SLC47A1: variants seen among roughly 807,000 people sequenced by gnomAD.
SLC47A1 encodes solute carrier family 47 member 1, also known as multidrug and toxin extrusion protein 1.
In SLC47A1, 58 loss-of-function variants were observed where a neutral mutation model predicts 65.8. The observed-to-expected ratio is 0.88, with a 90% CI of 0.71 to 1.10. The LOEUF is 1.10. Among genes scored for constraint, SLC47A1 ranks in the 50% least tolerant of loss-of-function variants. The pLI is 0.00. For missense variants in SLC47A1, 706 were observed against 719.2 expected (o/e 0.98, Z 0.21); for synonymous variants, 285 against 295.0 (o/e 0.97, Z 0.35).
At chr17:19,553,644 C>T (rs1002700122) in intron 6 of SLC47A1, among the ~76,000 whole-genome samples, 2 of 150,972 alleles carry the variant, frequency 1.3e-5, no homozygotes, top group Non-Finnish European at 2.9e-5. Context: ...GAGGTTCAAG[C>T]GATTCTCCTG....
chr17:19,571,491 G>T lies in SLC47A1; in HGVS notation c.1323G>T (p.Gly441=). ...TTLGVMGLWS[G]IIICTVFQAV... is the part of the protein sequence containing the mutation. ...TTCTATTTCTAGGTCTGTGGTCAGG[G>T]ATCATCATCTGTACAGTCTTTCAAG... The change falls in exon 15 of 17, where the codon GGG becomes GGT. Residue 441 remains glycine (G), a synonymous_variant. Transcript: ENST00000270570. The T allele has an allele frequency of 1.9e-6, 3 of 1,613,442 alleles. No individual in the cohort carries two copies. Among genetic ancestry groups the T allele is most frequent in the Non-Finnish European group, 2.5e-6 (3 of 1,179,766 alleles).
chr17:19,573,140 T>A (rs1401557142), intron 16 of SLC47A1, among the ~76,000 whole-genome samples: 1 of 152,232 alleles, frequency 6.6e-6, no homozygotes, highest in Non-Finnish European at 1.5e-5. Flanking sequence ...AATACTGTGC[T>A]TCTACCATAG....
In SLC47A1 at chr17:19,578,864, C is replaced by T. The variant is rs117651256; in HGVS notation, c.*1311C>T. On this transcript the variant is annotated 3_prime_UTR_variant, in exon 17 of 17. Transcript: ENST00000270570. Reference sequence around the variant, plus strand: ...GCTCACCAGTTGTAGCTTGCCAGCTCCCAACACCCTTCCTGGTGCCAATAA... The same window carrying T: ...GCTCACCAGTTGTAGCTTGCCAGCTTCCAACACCCTTCCTGGTGCCAATAA... 1 of 152,196 alleles carries T rather than the reference C, an allele frequency of 6.6e-6. No individual in the cohort carries two copies. The highest frequency in any genetic ancestry group is 2.4e-5 in the African/African-American group (1 of 41,416). 9.4% of individuals were successfully genotyped at this position (152,196 alleles called of 1,614,324 possible). A position where few individuals can be genotyped will look rare whatever the true frequency, so the allele number is the denominator to read the frequency against.
Position 19,556,020 on chromosome 17 carries a change from C to T in SLC47A1, c.879C>T (p.Gly293=), listed in dbSNP as rs765831369. Residue 293 remains glycine, a synonymous_variant, in exon 10 of 17, where the codon GGC becomes GGT. Coordinates refer to ENST00000270570, the MANE Select transcript of SLC47A1 (RefSeq NM_018242.3). The part of the protein sequence containing the change: ...LSGILGMVEL[G]AQSIVYELAI... ...GCATCCTCGGCATGGTGGAGCTGGG[C>T]GCTCAGTCCATCGTGTATGAACTGG... 31 of 1,614,024 alleles carry T rather than the reference C, an allele frequency of 1.9e-5. No homozygotes were observed. Among genetic ancestry groups the T allele is most frequent in the African/African-American group, 8.0e-5 (6 of 74,906 alleles).
chr17:19,575,078 TCCC>T (rs370016444), intron 16 of SLC47A1, among the ~76,000 whole-genome samples: 1,406 of 118,954 alleles, frequency 0.012, 31 homozygotes, highest in African/African-American at 0.04. Flanking sequence ...CCTCCCTCCC[TCCC>T]TTTTTCTCTC....
intron 2 of SLC47A1, among the ~76,000 whole-genome samples, chr17:19,545,080 G>T (rs1916250732): frequency 1.3e-5 from 2 of 152,222 alleles, no homozygotes; most frequent in South Asian, 4.1e-4. Flanking sequence ...GCAGCATGAA[G>T]TCATGGGACA....
chr17:19,550,186 G>C (rs541005571), intron 5 of SLC47A1, among the ~76,000 whole-genome samples: 21 of 152,272 alleles, frequency 1.4e-4, no homozygotes, highest in Non-Finnish European at 2.8e-4. Flanking sequence ...CAGTGGGATC[G>C]TCATAGCTCA....
At chr17:19,560,527 T>C in intron 12 of SLC47A1, 34 bp downstream of exon 12, 1 of 1,603,686 alleles carries the variant, frequency 6.2e-7, no homozygotes, top group South Asian at 1.1e-5. Flanking sequence ...ATGTGAAATC[T>C]GTGATAAAGA....
chr17:19,571,783 T>A (rs1362299180), intron 15 of SLC47A1, among the ~76,000 whole-genome samples: 1 of 152,196 alleles, frequency 6.6e-6, no homozygotes, highest in Non-Finnish European at 1.5e-5. Context: ...AACAGGGGAC[T>A]CCTTTCTTCC....
chr17:19,562,714 G>T (rs2084322832), intron 12 of SLC47A1, among the ~76,000 whole-genome samples: 1 of 152,106 alleles, frequency 6.6e-6, no homozygotes, highest in Admixed American at 6.6e-5. Flanking sequence ...AGTAGAAGCT[G>T]GACTCTGAAT....
intron 3 of SLC47A1, among the ~76,000 whole-genome samples, chr17:19,547,351 T>G (rs1383500684): frequency 6.7e-6 from 1 of 149,560 alleles, no homozygotes; most frequent in Non-Finnish European, 1.5e-5. Context: ...GCCTGGCTTT[T>G]TTTTTTTTTT....
chr17:19,566,212 A>G (rs1032140197), intron 12 of SLC47A1, among the ~76,000 whole-genome samples: 1 of 152,212 alleles, frequency 6.6e-6, no homozygotes, highest in African/African-American at 2.4e-5. Flanking sequence ...GGAAAACACA[A>G]TGTATTTAGG....
At chr17:19,563,682 C>T (rs1404398911) in intron 12 of SLC47A1, among the ~76,000 whole-genome samples, 32 of 152,018 alleles carry the variant, frequency 2.1e-4, no homozygotes, top group Admixed American at 2.1e-3. Context: ...ATTTAAAAAT[C>T]CAAAATAAAA....
At chr17:19,559,619 C>G (rs1220829291) in intron 10 of SLC47A1, among the ~76,000 whole-genome samples, 1 of 152,230 alleles carries the variant, frequency 6.6e-6, no homozygotes, top group Non-Finnish European at 1.5e-5. Flanking sequence ...GCAACCTCCG[C>G]CTCCCAGGTT....
At chr17:19,575,654 C>T (rs770333967) in intron 16 of SLC47A1, among the ~76,000 whole-genome samples, 7 of 152,114 alleles carry the variant, frequency 4.6e-5, no homozygotes, top group African/African-American at 7.2e-5. Flanking sequence ...CCTGCTTTAG[C>T]CTCTCAAAGT....
At chr17:19,555,961 TG>T (rs1448920232) in intron 9 of SLC47A1, 33 bp from the exon 10 acceptor site, 1 of 1,614,154 alleles carries the variant, frequency 6.2e-7, no homozygotes, top group East Asian at 2.2e-5. Flanking sequence ...GGGCCCTGTC[TG>T]GGTGCAAGGC....
intron 1 of SLC47A1, among the ~76,000 whole-genome samples, chr17:19,540,951 C>T (rs762834982): frequency 9.9e-5 from 15 of 152,144 alleles, no homozygotes; most frequent in East Asian, 1.9e-4. Flanking sequence ...CAGTCTCTCC[C>T]GGGATGTGGA....
At chr17:19,548,698 A>G (rs141707710) in intron 4 of SLC47A1, among the ~76,000 whole-genome samples, 282 of 152,028 alleles carry the variant, frequency 1.9e-3, no homozygotes, top group Middle Eastern at 6.8e-3. Context: ...CGGGGTTTCA[A>G]TCATGTTGGC....
chr17:19,577,933 T>C lies in SLC47A1; in HGVS notation c.*380T>C, dbSNP rs2084453530. ...TAAAATATATTTTACAGTATATCTT[T>C]CCTTGGGCCTTAGATTACTATTCAC... On this transcript the variant is annotated 3_prime_UTR_variant, in exon 17 of 17. Transcript: ENST00000270570. The C allele has an allele frequency of 7.9e-7, 1 of 1,267,072 alleles. No individual in the cohort carries two copies. Among genetic ancestry groups the C allele is most frequent in the African/African-American group, 1.5e-5 (1 of 64,564 alleles). The allele number at this position is 1,267,072 out of a possible 1,614,324, so 78.5% of individuals were successfully genotyped here.
Sources: allele counts gnomAD v4.1 joint callset (sites outside exome capture counted in the v4.1 genomes callset), GRCh38; gene constraint gnomAD v4.1.1; transcripts MANE v1.5; gene names NCBI Gene and HGNC (gene_info 2026-07-23, HGNC 2026-07-21).